ATG7: variants seen among roughly 807,000 people sequenced by gnomAD.
ATG7 encodes the protein ubiquitin-like modifier-activating enzyme ATG7.
ATG7 carries 70 observed loss-of-function variants against 82.4 expected under a neutral mutation model. The ratio of observed to expected loss-of-function variants is 0.85; its 90% CI spans 0.70 to 1.04. The LOEUF (loss-of-function observed/expected upper bound fraction) is 1.04. Among genes scored for constraint, ATG7 ranks in the 50% least tolerant of loss-of-function variants. ATG7 has a pLI of 0.00. For missense variants in ATG7, 792 were observed against 864.3 expected, an observed-to-expected ratio of 0.92 and a Z score of 1.05; for synonymous variants, 287 against 313.0, an observed-to-expected ratio of 0.92 and a Z score of 0.88.
chr3:11,327,021 C>A (rs1265131754), intron 9 of ATG7, among the ~76,000 whole-genome samples: 1 of 152,170 alleles, frequency 6.6e-6, no homozygotes, highest in Non-Finnish European at 1.5e-5. Flanking sequence ...GTCAGTCAGG[C>A]ATCACTTTTC....
In ATG7 at chr3:11,426,838, T is replaced by G; in HGVS notation, c.1991T>G (p.Phe664Cys). 2 of 1,610,992 alleles carry G rather than the reference T, an allele frequency of 1.2e-6. No individual in the cohort carries two copies. Among genetic ancestry groups the G allele is most frequent in the Non-Finnish European group, 1.7e-6 (2 of 1,178,778 alleles). Reference sequence around the variant, plus strand: ...CAATATGAACGAGAAGGATTTAACTTCCTAGCCAAGGTGTTTAATTCTTCA... The same window carrying G: ...CAATATGAACGAGAAGGATTTAACTGCCTAGCCAAGGTGTTTAATTCTTCA... ...LDQYEREGFN[F>C]LAKVFNSSHS... Residue 664 changes from phenylalanine (F) to cysteine (C), a missense_variant, in exon 20 of 21, where the codon TTC (phenylalanine) becomes TGC (cysteine). Phe to Cys is a radical substitution (Grantham distance 205). Coordinates refer to ENST00000693202, the MANE Select transcript of ATG7 (RefSeq NM_001349232.2).
At chr3:11,420,500 A>T (rs2081840788) in intron 19 of ATG7, among the ~76,000 whole-genome samples, 1 of 152,104 alleles carries the variant, frequency 6.6e-6, no homozygotes, top group South Asian at 2.1e-4. Flanking sequence ...TTATTCAAAG[A>T]TGTTGTCAAT....
chr3:11,303,717 T>A (rs1005919452), intron 5 of ATG7, among the ~76,000 whole-genome samples: 7 of 150,882 alleles, frequency 4.6e-5, no homozygotes, highest in African/African-American at 1.7e-4. Context: ...ATGATCAACA[T>A]TTGAATGAAG....
chr3:11,396,167 C>T (rs1257984791), intron 19 of ATG7, among the ~76,000 whole-genome samples: 1 of 151,518 alleles, frequency 6.6e-6, no homozygotes, highest in Non-Finnish European at 1.5e-5. Flanking sequence ...TAACTCTAGG[C>T]CAGGCACAGT....
At chr3:11,323,235 C>T (rs1034840621) in intron 9 of ATG7, among the ~76,000 whole-genome samples, 1 of 152,138 alleles carries the variant, frequency 6.6e-6, no homozygotes, top group Non-Finnish European at 1.5e-5. Context: ...ACCACCATGG[C>T]CAATTGCAGG....
intron 19 of ATG7, among the ~76,000 whole-genome samples, chr3:11,384,473 G>A (rs1438212725): frequency 2.6e-5 from 4 of 152,178 alleles, no homozygotes; most frequent in Non-Finnish European, 5.9e-5. Context: ...TCCTCAAAGT[G>A]ACTTGCTATT....
intron 18 of ATG7, among the ~76,000 whole-genome samples, chr3:11,370,144 T>C (rs868247739): frequency 6.6e-5 from 10 of 151,196 alleles, no homozygotes; most frequent in African/African-American, 2.2e-4. Flanking sequence ...TAAATATCGG[T>C]TTCATCTTTC....
intron 20 of ATG7, among the ~76,000 whole-genome samples, chr3:11,516,031 TAAAAAAAA>T (rs35770722): frequency 2.2e-5 from 3 of 135,220 alleles, no homozygotes; most frequent in Non-Finnish European, 4.9e-5. Flanking sequence ...CATTCCTTTT[TAAAAAAAA>T]AAAAAAACAA....
In ATG7 at chr3:11,511,546, T is replaced by G. The variant is rs2447606; in HGVS notation, c.2080-43265T>G. 7.8e-3 allele frequency among the ~76,000 whole-genome samples: 1,180 copies of G among 152,234 alleles called. 7 individuals are homozygous for G. The highest frequency in any genetic ancestry group is 0.013 in the Non-Finnish European group (902 of 68,004). ...CCAGCTGGCTTCACCTAGTGGATCC[T>G]GCACTGGGGCTGCAGGTGGAGCTGC... On this transcript the variant is annotated intron_variant, in intron 20 of 20. Transcript: ENST00000693202.
At chr3:11,464,032 T>A (rs2086593987) in intron 20 of ATG7, among the ~76,000 whole-genome samples, 1 of 152,146 alleles carries the variant, frequency 6.6e-6, no homozygotes, top group Non-Finnish European at 1.5e-5. Flanking sequence ...ATTAAATCAT[T>A]TAAGTGACAA....
At chr3:11,351,717 G>A (rs538160602) in intron 14 of ATG7, among the ~76,000 whole-genome samples, 1 of 152,300 alleles carries the variant, frequency 6.6e-6, no homozygotes, top group Admixed American at 6.5e-5. Flanking sequence ...ATAAATAATA[G>A]GAGATAATAT....
At chr3:11,345,338 G>C (rs548628222) in intron 13 of ATG7, among the ~76,000 whole-genome samples, 1 of 152,318 alleles carries the variant, frequency 6.6e-6, no homozygotes, top group South Asian at 2.1e-4. Context: ...GAACCCAGGA[G>C]GTGGAGCTTG....
intron 3 of ATG7, among the ~76,000 whole-genome samples, chr3:11,283,087 C>T (rs1427170546): frequency 1.3e-5 from 2 of 152,160 alleles, no homozygotes; most frequent in African/African-American, 2.4e-5. Context: ...AGTGAATGGC[C>T]CCACATGGGC....
chr3:11,352,248 T>G (rs2075611074), intron 14 of ATG7, among the ~76,000 whole-genome samples: 1 of 152,202 alleles, frequency 6.6e-6, no homozygotes, highest in East Asian at 1.9e-4. Flanking sequence ...ATCCAGTCTA[T>G]CATTGATGGA....
At chr3:11,302,715 G>A (rs1575286262) in intron 5 of ATG7, among the ~76,000 whole-genome samples, 1 of 152,132 alleles carries the variant, frequency 6.6e-6, no homozygotes. Flanking sequence ...ATACAGACAG[G>A]AATGACATAC....
chr3:11,275,024 C>G (rs1941405478), intron 1 of ATG7, among the ~76,000 whole-genome samples: 1 of 151,726 alleles, frequency 6.6e-6, no homozygotes, highest in Non-Finnish European at 1.5e-5. Context: ...TTGCAGTGAT[C>G]CAGGTGACAG....
At chr3:11,572,712 C>T in the ATG7 span, among the ~76,000 whole-genome samples, 1 of 152,316 alleles carries the variant, frequency 6.6e-6, no homozygotes, top group South Asian at 2.1e-4. Context: ...GTCTTTCCCT[C>T]ATGTTGGTCT....
At chr3:11,546,461 TGCGCCCA>T (rs1352451087) in intron 20 of ATG7, among the ~76,000 whole-genome samples, 1 of 152,210 alleles carries the variant, frequency 6.6e-6, no homozygotes, top group Middle Eastern at 3.2e-3. Context: ...CGTGAGCCAC[TGCGCCCA>T]GCCTTATTTT....
At chr3:11,573,390 A>G in the ATG7 span, among the ~76,000 whole-genome samples, 10 of 149,600 alleles carry the variant, frequency 6.7e-5, no homozygotes, top group African/African-American at 1.7e-4. Context: ...AAAGAAAGAA[A>G]GAAAGAAAAT....
Sources: allele counts gnomAD v4.1 joint callset (sites outside exome capture counted in the v4.1 genomes callset), GRCh38; gene constraint gnomAD v4.1.1; transcripts MANE v1.5; gene names NCBI Gene and HGNC (gene_info 2026-07-23, HGNC 2026-07-21).